RALYL: variants seen among roughly 807,000 people sequenced by gnomAD.
RALYL encodes RALY RNA binding protein like.
RALYL carries 29 observed loss-of-function variants against 35.1 expected under a neutral mutation model. The ratio of observed to expected loss-of-function variants is 0.83; its 90% CI spans 0.61 to 1.13. RALYL has a LOEUF of 1.13. Among genes scored for constraint, RALYL ranks in the 50% most tolerant of loss-of-function variants. The probability of loss-of-function intolerance (pLI) is 0.00; values close to 1 mark genes in which losing one functional copy is unlikely to be tolerated. For missense variants in RALYL, 359 were observed against 360.4 expected (o/e 1.00, Z 0.03); for synonymous variants, 120 against 127.6 (o/e 0.94, Z 0.40).
intron 4 of RALYL, among the ~76,000 whole-genome samples, chr8:84,820,712 C>A (rs965379134): frequency 6.6e-6 from 1 of 152,032 alleles, no homozygotes; most frequent in African/African-American, 2.4e-5. Context: ...TTTCCCCTTG[C>A]CCCCTGACAG....
At chr8:84,225,749 C>T (rs1455879046) in intron 1 of RALYL, among the ~76,000 whole-genome samples, 1 of 152,114 alleles carries the variant, frequency 6.6e-6, no homozygotes, top group Non-Finnish European at 1.5e-5. Context: ...TCTTTATTTC[C>T]TGTGTTACAC....
chr8:84,638,356 C>T (rs1825502957), intron 2 of RALYL, among the ~76,000 whole-genome samples: 1 of 151,720 alleles, frequency 6.6e-6, no homozygotes, highest in South Asian at 2.1e-4. Flanking sequence ...GCATCAAAGT[C>T]TGAAAGAGCA....
intron 1 of RALYL, among the ~76,000 whole-genome samples, chr8:84,273,417 G>C (rs1468456588): frequency 6.6e-6 from 1 of 152,250 alleles, no homozygotes; most frequent in African/African-American, 2.4e-5. Flanking sequence ...CAGAGAACAA[G>C]TGAAGGCACT....
intron 7 of RALYL, among the ~76,000 whole-genome samples, chr8:84,886,941 C>T (rs6473567): frequency 0.46 from 69,641 of 151,986 alleles, 18,978 homozygotes; most frequent in African/African-American, 0.75. Context: ...TTCCACTTTG[C>T]ACAGCATCAC....
At chr8:84,438,601 A>G (rs2047992700) in intron 1 of RALYL, among the ~76,000 whole-genome samples, 1 of 152,008 alleles carries the variant, frequency 6.6e-6, no homozygotes, top group Non-Finnish European at 1.5e-5. Context: ...CATGTTGCCC[A>G]GGCTGGTCTC....
intron 1 of RALYL, among the ~76,000 whole-genome samples, chr8:84,361,140 G>A (rs1169179688): frequency 1.3e-5 from 2 of 152,070 alleles, no homozygotes; most frequent in African/African-American, 4.8e-5. Flanking sequence ...CTGAGTTTAA[G>A]GGAAAATGAA....
chr8:84,361,647 G>C (rs923688966), intron 1 of RALYL, among the ~76,000 whole-genome samples: 4 of 152,150 alleles, frequency 2.6e-5, no homozygotes, highest in African/African-American at 9.6e-5. Flanking sequence ...AGCAGAAGCA[G>C]GTCAAGCTGA....
intron 1 of RALYL, among the ~76,000 whole-genome samples, chr8:84,482,018 T>G (rs1451092210): frequency 1.3e-5 from 2 of 152,152 alleles, no homozygotes; most frequent in Non-Finnish European, 2.9e-5. Flanking sequence ...AAAGGAACTT[T>G]GCAAGAACAT....
At chr8:84,604,549 AT>A (rs1816697782) in intron 2 of RALYL, among the ~76,000 whole-genome samples, 1 of 152,140 alleles carries the variant, frequency 6.6e-6, no homozygotes, top group Admixed American at 6.5e-5. Flanking sequence ...GTATTCCTAC[AT>A]ACTTCTAATT....
At chr8:84,188,738 T>C (rs1048745539) in intron 1 of RALYL, among the ~76,000 whole-genome samples, 33 of 152,158 alleles carry the variant, frequency 2.2e-4, no homozygotes, top group African/African-American at 6.3e-4. Flanking sequence ...ATGTGCAGAC[T>C]GCATAGATAT....
rs565382252 is a variant in RALYL at position 84,588,434 on chromosome 8, G to T, written c.256+58857G>T. Among the ~76,000 whole-genome samples the T allele has an allele frequency of 1.8e-4, 27 of 152,268 alleles. 1 individual carries two copies. The South Asian group carries it at 5.4e-3, about 30-fold the overall frequency. On this transcript the variant is annotated intron_variant, in intron 2 of 8. Coordinates refer to ENST00000521268, the MANE Select transcript of RALYL (RefSeq NM_173848.7). ...AAATAGTTGCCAGGGTGGGAGGTGT[G>T]TTCGGGTATATATAATGCACTTAGG...
chr8:84,217,341 C>A (rs1188852379), intron 1 of RALYL, among the ~76,000 whole-genome samples: 1 of 151,918 alleles, frequency 6.6e-6, no homozygotes, highest in Non-Finnish European at 1.5e-5. Flanking sequence ...TAAAAATTGT[C>A]TAGCAAATAC....
At chr8:84,751,961 T>C (rs1810145453) in intron 2 of RALYL, among the ~76,000 whole-genome samples, 1 of 152,150 alleles carries the variant, frequency 6.6e-6, no homozygotes, top group African/African-American at 2.4e-5. Flanking sequence ...TATAAAGATA[T>C]CTGAACATGT....
At chr8:84,439,469 T>A (rs746298449) in intron 1 of RALYL, among the ~76,000 whole-genome samples, 7 of 152,260 alleles carry the variant, frequency 4.6e-5, no homozygotes, top group Middle Eastern at 3.4e-3. Context: ...TGCACTTAGA[T>A]AGAAGACTTT....
chr8:84,749,606 TC>T (rs1809472657), intron 2 of RALYL, among the ~76,000 whole-genome samples: 1 of 151,838 alleles, frequency 6.6e-6, no homozygotes, highest in African/African-American at 2.4e-5. Flanking sequence ...GTTGAATGAG[TC>T]AGACAAAAAT....
At chr8:84,341,551 A>G (rs919255036) in intron 1 of RALYL, among the ~76,000 whole-genome samples, 1 of 152,026 alleles carries the variant, frequency 6.6e-6, no homozygotes, top group African/African-American at 2.4e-5. Flanking sequence ...TATATCTACA[A>G]TTCTGTTATA....
At chr8:84,468,845 T>A (rs1023269966) in intron 1 of RALYL, among the ~76,000 whole-genome samples, 15 of 152,232 alleles carry the variant, frequency 9.9e-5, no homozygotes, top group African/African-American at 3.6e-4. Flanking sequence ...GCTCATTTCT[T>A]TTTATTCTTT....
chr8:84,567,279 A>G (rs1208480621), intron 2 of RALYL, among the ~76,000 whole-genome samples: 1 of 151,828 alleles, frequency 6.6e-6, no homozygotes, highest in Non-Finnish European at 1.5e-5. Context: ...GGTATATTGC[A>G]TAATGATGGG....
intron 2 of RALYL, among the ~76,000 whole-genome samples, chr8:84,603,779 G>A (rs968879089): frequency 6.6e-6 from 1 of 152,224 alleles, no homozygotes; most frequent in East Asian, 1.9e-4. Context: ...AGATATGTTG[G>A]TGTTGTTATG....
Sources: gnomAD v4.1 joint callset for allele counts (sites outside exome capture counted in the v4.1 genomes callset) on GRCh38, gnomAD v4.1.1 for gene constraint, MANE v1.5 for transcripts, NCBI Gene and HGNC (gene_info 2026-07-23, HGNC 2026-07-21) for gene names.